The following ELFN2 variants were observed in gnomAD, a reference collection of about 807,000 sequenced individuals.
ELFN2 encodes the protein protein phosphatase 1 regulatory subunit 29.
In ELFN2, 17 loss-of-function variants were observed where a neutral mutation model predicts 45.5. The ratio of observed to expected loss-of-function variants is 0.37; its 90% CI spans 0.26 to 0.56. The LOEUF (loss-of-function observed/expected upper bound fraction) is 0.56. Among genes scored for constraint, ELFN2 ranks in the 20% least tolerant of loss-of-function variants. The pLI, the probability that ELFN2 is intolerant of heterozygous loss-of-function variation, is 0.77. For missense variants in ELFN2, 922 were observed against 1,183.2 expected (o/e 0.78, Z 3.24); for synonymous variants, 550 against 551.5 (o/e 1.00, Z 0.04).
chr22:37,422,950 G>A (rs866150383), intron 1 of ELFN2, among the ~76,000 whole-genome samples: 3,302 of 149,378 alleles, frequency 0.022, 165 homozygotes, highest in African/African-American at 0.026. Context: ...CCTCGGGGGG[G>A]GGGGGGGAAG....
At chr22:37,348,956 A>G (rs570144795) in intron 1 of ELFN2, among the ~76,000 whole-genome samples, 1 of 150,968 alleles carries the variant, frequency 6.6e-6, no homozygotes, top group South Asian at 2.1e-4. Context: ...TACCCGTCTT[A>G]CACATTTACC....
At chr22:37,392,682 T>C (rs953888016) in intron 2 of ELFN2, among the ~76,000 whole-genome samples, 5 of 152,196 alleles carry the variant, frequency 3.3e-5, no homozygotes, top group Admixed American at 2.6e-4. Context: ...AGAGATTAAG[T>C]GACATCCTCA....
intron 2 of ELFN2, among the ~76,000 whole-genome samples, chr22:37,383,588 G>A (rs1487174975): frequency 3.9e-5 from 6 of 152,248 alleles, no homozygotes; most frequent in Admixed American, 2.6e-4. Flanking sequence ...AACAGGGACC[G>A]GGCCCAGGCT....
At chr22:37,359,475 C>G (rs144361694) in intron 1 of ELFN2, among the ~76,000 whole-genome samples, 20 of 152,350 alleles carry the variant, frequency 1.3e-4, no homozygotes, top group African/African-American at 4.6e-4. Context: ...TTGACCAAAG[C>G]ATCTGCTTCC....
intron 1 of ELFN2, among the ~76,000 whole-genome samples, chr22:37,357,874 C>T (rs1930988626): frequency 6.6e-6 from 1 of 152,148 alleles, no homozygotes; most frequent in Admixed American, 6.5e-5. Flanking sequence ...CATCGACTTC[C>T]TCTTGGTCAG....
At chr22:37,401,788 C>T (rs1336009295) in intron 2 of ELFN2, among the ~76,000 whole-genome samples, 1 of 152,220 alleles carries the variant, frequency 6.6e-6, no homozygotes, top group Non-Finnish European at 1.5e-5. Flanking sequence ...CAAATGTTAA[C>T]AAGCCCATAA....
At chr22:37,355,729 G>A (rs2145617705) in intron 1 of ELFN2, among the ~76,000 whole-genome samples, 1 of 152,268 alleles carries the variant, frequency 6.6e-6, no homozygotes, top group South Asian at 2.1e-4. Context: ...TCCGTGGCCG[G>A]GGGAGCCTCT....
At chr22:37,347,625 A>AGGT (rs1396580287) in intron 1 of ELFN2, among the ~76,000 whole-genome samples, 16 of 146,508 alleles carry the variant, frequency 1.1e-4, no homozygotes, top group African/African-American at 1.6e-4. Flanking sequence ...AAGATTGTAT[A>AGGT]GGTGGTGGGT....
chr22:37,400,499 C>A (rs1214042519), intron 2 of ELFN2, among the ~76,000 whole-genome samples: 1 of 152,230 alleles, frequency 6.6e-6, no homozygotes, highest in African/African-American at 2.4e-5. Flanking sequence ...ACCTGACTAC[C>A]AAGAATCACA....
chr22:37,382,753 C>A lies in ELFN2; in HGVS notation c.-462-6757G>T, dbSNP rs578062386. Among the ~76,000 whole-genome samples the A allele has an allele frequency of 1.3e-4, 20 of 152,160 alleles. 1 individual carries two copies. In the South Asian group the frequency reaches 3.5e-3, roughly 27 times the overall value. ...TTTTGGTAGAGATGGGGTTTCACCA[C>A]GTTGCCCAGGCTGGTCTTGAACTCC... is the stretch of plus-strand genomic sequence containing the variant. On this transcript the variant is annotated intron_variant, in intron 2 of 2. Transcript: ENST00000402918.
At chr22:37,352,263 T>A (rs1176210619) in intron 1 of ELFN2, 1 of 150,924 alleles carries the variant, frequency 6.6e-6, no homozygotes, top group Non-Finnish European at 1.5e-5. Context: ...GCAGCCTTCG[T>A]GTCCTCTACC....
rs372217764 is a variant in ELFN2, at chr22:37,373,583, G to A, written c.1952C>T (p.Pro651Leu). 1.4e-5 allele frequency: 22 copies of A among 1,606,822 alleles called. No individual in the cohort carries two copies. The highest frequency in any genetic ancestry group is 2.2e-5 in the East Asian group (1 of 44,624). ...KVFSLDVPDH[P>L]AATGLAKGDS... ...GCCCTTAGCCAGCCCTGTGGCGGCC[G>A]GATGGTCGGGCACGTCCAGGCTAAA... The change falls in exon 3 of 3, where the codon CCG becomes CTG. Residue 651 changes from proline (P) to leucine (L), a missense_variant. Coordinates refer to ENST00000402918, the MANE Select transcript of ELFN2 (RefSeq NM_052906.5).
chr22:37,352,793 T>A lies in ELFN2; in HGVS notation n.149-10090A>T, dbSNP rs1409470177. 2.0e-5 allele frequency among the ~76,000 whole-genome samples: 3 copies of A among 150,774 alleles called. 1 individual carries two copies. The highest frequency in any genetic ancestry group is 2.0e-4 in the Admixed American group (3 of 15,140). ...TGGATGGGCACTCCTGGAAGGAGTTTGTGATGCATTCTAAATGCAAGAAGT... is the reference window on the plus strand; with the variant it reads ...TGGATGGGCACTCCTGGAAGGAGTTAGTGATGCATTCTAAATGCAAGAAGT... On this transcript the variant is annotated intron_variant and non_coding_transcript_variant, in intron 1 of 2. Coordinates refer to ENST00000452946, the Ensembl canonical transcript of ELFN2.
chr22:37,396,312 C>A (rs1932210479), intron 2 of ELFN2, among the ~76,000 whole-genome samples: 2 of 152,208 alleles, frequency 1.3e-5, no homozygotes, highest in African/African-American at 4.8e-5. Context: ...TATTGCACAC[C>A]CCAAGGGTGG....
Position 37,373,813 on chromosome 22 carries a change from C to A in ELFN2, c.1722G>T (p.Leu574=), listed in dbSNP as rs1246599938. The A allele has an allele frequency of 1.2e-6, 2 of 1,612,516 alleles. No individual in the cohort carries two copies. Among genetic ancestry groups the A allele is most frequent in the Non-Finnish European group, 8.5e-7 (1 of 1,179,764 alleles). Residue 574 remains leucine, a synonymous_variant, in exon 3 of 3, where the codon CTG becomes CTT. Coordinates refer to ENST00000402918, the MANE Select transcript of ELFN2 (RefSeq NM_052906.5). ...CAGGGAGGGACTGGCACTCGAAGGC[C>A]AGCTCGGGGTCCCCACTGCTGCTGC... ...GGGSSSGDPE[L]AFECQSLPAA...
At chr22:37,412,228 G>A (rs1271586295) in intron 2 of ELFN2, among the ~76,000 whole-genome samples, 1 of 139,224 alleles carries the variant, frequency 7.2e-6, no homozygotes, top group East Asian at 2.1e-4. Flanking sequence ...GCAGTCGCCT[G>A]TAATCTCAGC....
chr22:37,364,609 G>C (rs1931161430), downstream of ELFN2, among the ~76,000 whole-genome samples: 1 of 152,220 alleles, frequency 6.6e-6, no homozygotes, highest in African/African-American at 2.4e-5. Flanking sequence ...GCAGGACACA[G>C]CTCCTGTAGA....
chr22:37,374,576 C>A lies in ELFN2; in HGVS notation c.959G>T (p.Ser320Ile). The stretch of plus-strand genomic sequence containing the variant: ...GTACTGCACGAGGATGTACATCTTG[C>A]TGTAGGGGTGTGGGATGATGACCAC... ...TLVVIIPHPY[S>I]KMYILVQYNN... Residue 320 changes from serine to isoleucine, a missense_variant, in exon 3 of 3, where the codon AGC (serine) becomes ATC (isoleucine). Physicochemically the swap from Ser to Ile is moderately radical, Grantham distance 142 (BLOSUM62 -2). Coordinates refer to ENST00000402918, the MANE Select transcript of ELFN2 (RefSeq NM_052906.5). 6.2e-7 allele frequency: 1 copy of A among 1,614,180 alleles called. No individual in the cohort carries two copies. Among genetic ancestry groups the A allele is most frequent in the Non-Finnish European group, 8.5e-7 (1 of 1,180,014 alleles).
chr22:37,344,889 A>T lies in ELFN2; in HGVS notation n.149-2186T>A, dbSNP rs561389743. Among the ~76,000 whole-genome samples, 211 of 152,074 alleles carry T rather than the reference A, an allele frequency of 1.4e-3. 1 individual carries two copies. Among genetic ancestry groups the T allele is most frequent in the Non-Finnish European group, 2.3e-3 (157 of 67,924 alleles). On this transcript the variant is annotated intron_variant and non_coding_transcript_variant, in intron 1 of 2. Transcript: ENST00000452946. Reference sequence around the variant, plus strand: ...GCGAGCTCCCCCAATGGGCATCATCATCCCATGCCGCCTCCATGCCCAGAG... The same window carrying T: ...GCGAGCTCCCCCAATGGGCATCATCTTCCCATGCCGCCTCCATGCCCAGAG...
Sources: allele counts gnomAD v4.1 joint callset (sites outside exome capture counted in the v4.1 genomes callset), GRCh38; gene constraint gnomAD v4.1.1; transcripts MANE v1.5; gene names NCBI Gene and HGNC (gene_info 2026-07-23, HGNC 2026-07-21).